RRBP1: variants seen among roughly 807,000 people sequenced by gnomAD.
RRBP1 encodes ribosome binding protein 1.
In RRBP1, 94 loss-of-function variants were observed where a neutral mutation model predicts 165.2. The ratio of observed to expected loss-of-function variants is 0.57; its 90% CI spans 0.48 to 0.68. RRBP1 has a LOEUF of 0.68. RRBP1 is among the 30% of genes least tolerant of loss of function. The probability of loss-of-function intolerance (pLI) is 0.00; values close to 1 mark genes in which losing one functional copy is unlikely to be tolerated. For synonymous variants in RRBP1, 680 were observed against 714.5 expected (o/e 0.95, Z 0.77); for missense variants, 1,676 against 1,763.0 (o/e 0.95, Z 0.88).
rs768478349 is a variant in RRBP1, at chr20:17,643,039, G to A, written c.2001C>T (p.Ala667=). The A allele has an allele frequency of 6.2e-7, 1 of 1,614,078 alleles. No homozygotes were observed. Among genetic ancestry groups the A allele is most frequent in the South Asian group, 1.1e-5 (1 of 91,076 alleles). ...VGSMVFNEGE[A]QRLIEILSEK... ...CAGACAGGATCTCGATGAGCCGCTG[G>A]GCCTCGCCCTCGTTGAACACCATGC... Residue 667 remains alanine (A), a synonymous_variant, in exon 4 of 25, where the codon GCC becomes GCT. Transcript: ENST00000377813. The surrounding 1 kb of genome is among the most constrained non-coding windows in gnomAD (Gnocchi z 4.3).
chr20:17,615,663 A>T (rs2035786325), intron 22 of RRBP1, 134 bp from the exon 23 acceptor site: 1 of 679,982 alleles, frequency 1.5e-6, no homozygotes, highest in African/African-American at 1.8e-5. Context: ...CTGTAGCTGG[A>T]ATGAGTGGGC....
chr20:17,671,771 T>A (rs1213973603), intron 2 of RRBP1, among the ~76,000 whole-genome samples: 1 of 152,188 alleles, frequency 6.6e-6, no homozygotes, highest in Non-Finnish European at 1.5e-5. Flanking sequence ...GTTGTCCTTA[T>A]CCTCTTGGGT....
At position 17,641,820 on chromosome 20, in the gene RRBP1, T is replaced by C; in HGVS notation, c.2161A>G (p.Ser721Gly). 6.2e-7 allele frequency: 1 copy of C among 1,613,572 alleles called. No homozygotes were observed. Among genetic ancestry groups the C allele is most frequent in the Non-Finnish European group, 8.5e-7 (1 of 1,180,010 alleles). Reference sequence around the variant, plus strand: ...ACCTTGTTGAGCTCCCTCAGTTTGCTCTTGGCGACAGCCGCATCTTCCTGT... The same window carrying C: ...ACCTTGTTGAGCTCCCTCAGTTTGCCCTTGGCGACAGCCGCATCTTCCTGT... ...TEQEDAAVAK[S>G]KLRELNKEMA... The change falls in exon 5 of 25, where the codon AGC becomes GGC. Residue 721 changes from serine (S) to glycine (G), a missense_variant. This residue lies in a region of RRBP1 where 1,184 missense variants were observed against 1,167.1 expected (regional missense o/e 1.01). Coordinates refer to ENST00000377813, the MANE Select transcript of RRBP1 (RefSeq NM_001365613.2).
At chr20:17,638,720 G>A (rs1421827025) in intron 5 of RRBP1, among the ~76,000 whole-genome samples, 2 of 122 alleles carry the variant, frequency 0.016, no homozygotes, top group East Asian at 0.33. Context: ...TGATGGTGGT[G>A]GGGGGGTTCC....
intron 6 of RRBP1, 73 bp from the exon 7 acceptor site, chr20:17,635,737 A>G: frequency 8.9e-7 from 1 of 1,120,820 alleles, no homozygotes; most frequent in East Asian, 2.4e-5. Context: ...AGCAGTGGTT[A>G]GTGAAGACAC....
Position 17,625,491 on chromosome 20 carries a change from G to A in RRBP1, c.3054+21C>T, listed in dbSNP as rs769669781. On this transcript the variant is annotated intron_variant, in intron 12 of 24. Coordinates refer to ENST00000377813, the MANE Select transcript of RRBP1 (RefSeq NM_001365613.2). The stretch of plus-strand genomic sequence containing the variant: ...GTGCTTCCCTGGCCCGTCCGTCCCC[G>A]CCTGTGCCTGCCGCACTCACATTGT... 24 of 1,608,238 alleles carry A rather than the reference G, an allele frequency of 1.5e-5. No individual in the cohort carries two copies. The East Asian group carries it at 1.6e-4, about 10-fold the overall frequency.
chr20:17,614,857 C>T lies in RRBP1; in HGVS notation c.4074G>A (p.Lys1358=), dbSNP rs752122865. 5.6e-6 allele frequency: 9 copies of T among 1,612,912 alleles called. No individual in the cohort carries two copies. The highest frequency in any genetic ancestry group is 5.0e-5 in the Admixed American group (3 of 60,002). The change falls in exon 24 of 25, where the codon AAG becomes AAA. Residue 1358 remains lysine (K), a synonymous_variant. Coordinates refer to ENST00000377813, the MANE Select transcript of RRBP1 (RefSeq NM_001365613.2). ...QLKERLEKEK[K]LTSDLGRAAT... is the part of the protein sequence containing the mutation. ...CGGCGCGCCCCAGGTCACTTGTTAACTTCTTCTCTTTTTCTAGTCTCTCCT... is the reference window on the plus strand; with the variant it reads ...CGGCGCGCCCCAGGTCACTTGTTAATTTCTTCTCTTTTTCTAGTCTCTCCT...
chr20:17,636,467 T>A, intron 6 of RRBP1, 110 bp downstream of exon 6: 1 of 1,336,288 alleles, frequency 7.5e-7, no homozygotes, highest in Non-Finnish European at 1.0e-6. Context: ...CCTGTGGGCA[T>A]CCTCAACCCC....
chr20:17,644,916 T>C (rs557980254), intron 3 of RRBP1, among the ~76,000 whole-genome samples: 4 of 152,404 alleles, frequency 2.6e-5, no homozygotes, highest in African/African-American at 9.6e-5. Context: ...TGTTTCTTGC[T>C]GGCCTTTTTA....
In RRBP1 at chr20:17,627,509, C is replaced by T. The variant is rs755236092; in HGVS notation, c.2923G>A (p.Val975Ile). The T allele has an allele frequency of 1.2e-5, 20 of 1,609,274 alleles. No individual in the cohort carries two copies. Among genetic ancestry groups the T allele is most frequent in the African/African-American group, 2.7e-5 (2 of 74,952 alleles). Reference sequence around the variant, plus strand: ...GCCCCAGGCAGAAGGCTGACCTGGACGTCCTGGGCATCCCGCGCCTGGCCC... The same window carrying T: ...GCCCCAGGCAGAAGGCTGACCTGGATGTCCTGGGCATCCCGCGCCTGGCCC... ...EAGQARDAQDVQASQAEADQQ... is the reference protein window; with the variant it reads ...EAGQARDAQDIQASQAEADQQ... Residue 975 changes from valine to isoleucine, a missense_variant, in exon 10 of 25, where the codon GTC becomes ATC. Around this residue, in one of 5 missense-constraint regions of RRBP1, gnomAD observed 1,184 missense variants for 1,167.1 expected, o/e 1.01. Coordinates refer to ENST00000377813, the MANE Select transcript of RRBP1 (RefSeq NM_001365613.2).
At chr20:17,675,962 CT>C (rs2037073806) in intron 2 of RRBP1, among the ~76,000 whole-genome samples, 1 of 152,222 alleles carries the variant, frequency 6.6e-6, no homozygotes, top group Non-Finnish European at 1.5e-5. Flanking sequence ...AATCCTGGCA[CT>C]TTGGGTGGCC....
intron 19 of RRBP1, 27 bp from the exon 20 acceptor site, chr20:17,618,706 T>G: frequency 5.0e-5 from 79 of 1,577,896 alleles, no homozygotes; most frequent in Non-Finnish European, 6.4e-5. Context: ...AGGCGGGTGA[T>G]GGGAAAAAAG....
At chr20:17,665,028 T>A (rs1232166366) in intron 2 of RRBP1, among the ~76,000 whole-genome samples, 1 of 152,192 alleles carries the variant, frequency 6.6e-6, no homozygotes, top group African/African-American at 2.4e-5. Flanking sequence ...CCACCCAGGT[T>A]TACCAAACCC....
chr20:17,659,894 G>A lies in RRBP1; in HGVS notation c.614C>T (p.Thr205Ile). The change falls in exon 3 of 25, where the codon ACT becomes ATT. Residue 205 changes from threonine to isoleucine, a missense_variant. Coordinates refer to ENST00000377813, the MANE Select transcript of RRBP1 (RefSeq NM_001365613.2). ...GTTQGKKAEG[T>I]QNQSKKAEGA... ...TTCAGCCTTTTTGCTTTGATTCTGA[G>A]TCCCCTCCGCCTTTTTGCCCTGAGT... 6.4e-7 allele frequency: 1 copy of A among 1,554,758 alleles called. No individual in the cohort carries two copies. The highest frequency in any genetic ancestry group is 8.7e-7 in the Non-Finnish European group (1 of 1,148,310).
intron 2 of RRBP1, among the ~76,000 whole-genome samples, chr20:17,661,410 G>A (rs1395234066): frequency 6.6e-6 from 1 of 152,194 alleles, no homozygotes; most frequent in Non-Finnish European, 1.5e-5. Context: ...TGCACAGAGG[G>A]TGAGGAGACA....
At chr20:17,624,754 G>A in intron 12 of RRBP1, 86 bp from the exon 13 acceptor site, 1 of 959,610 alleles carries the variant, frequency 1.0e-6, no homozygotes, top group Non-Finnish European at 1.6e-6. Context: ...AGGGCCCAGA[G>A]ACCCTCCTTG....
chr20:17,650,491 C>T (rs757327180), intron 3 of RRBP1, among the ~76,000 whole-genome samples: 5 of 152,176 alleles, frequency 3.3e-5, no homozygotes, highest in Admixed American at 6.5e-5. Flanking sequence ...TTACCCACCC[C>T]CGTCCATTAG....
intron 3 of RRBP1, among the ~76,000 whole-genome samples, chr20:17,644,004 T>C (rs2036416402): frequency 6.6e-6 from 1 of 150,810 alleles, no homozygotes; most frequent in African/African-American, 2.4e-5. Flanking sequence ...ATGAGCCAAA[T>C]CAGAGAGCAG....
At chr20:17,624,510 C>T in intron 13 of RRBP1, 66 bp downstream of exon 13, 2 of 1,056,798 alleles carry the variant, frequency 1.9e-6, no homozygotes, top group Non-Finnish European at 2.9e-6. Flanking sequence ...ATCTGTACGT[C>T]TTAGTGCATT....
Sources: gnomAD v4.1 joint callset for allele counts (sites outside exome capture counted in the v4.1 genomes callset) on GRCh38, gnomAD v4.1.1 for gene constraint, gnomAD v4.1.1 regional missense constraint, Gnocchi (gnomAD v3.1) non-coding constraint, MANE v1.5 for transcripts, NCBI Gene and HGNC (gene_info 2026-07-23, HGNC 2026-07-21) for gene names.